The following TAX1BP1 variants were observed in gnomAD, a reference collection of about 807,000 sequenced individuals.
The protein encoded by TAX1BP1 is tax1-binding protein 1.
In TAX1BP1, 62 loss-of-function variants were observed where a neutral mutation model predicts 97.7. The observed-to-expected ratio is 0.63, with a 90% confidence interval of 0.52 to 0.78. TAX1BP1 has a LOEUF of 0.78. TAX1BP1 is among the 30% of genes least tolerant of loss of function. The probability of loss-of-function intolerance (pLI) is 0.00; values close to 1 mark genes in which losing one functional copy is unlikely to be tolerated. For synonymous variants in TAX1BP1, 340 were observed against 304.2 expected, an observed-to-expected ratio of 1.12 and a Z score of -1.23; for missense variants, 867 against 916.1, an observed-to-expected ratio of 0.95 and a Z score of 0.69.
intron 1 of TAX1BP1, 117 bp downstream of exon 1, chr7:27,740,386 CG>C (rs937736599): frequency 6.6e-6 from 1 of 152,538 alleles, no homozygotes; most frequent in Non-Finnish European, 1.5e-5. Context: ...TGGCCGGTCT[CG>C]GGAGAGGTCT....
intron 4 of TAX1BP1, among the ~76,000 whole-genome samples, chr7:27,766,643 C>T (rs888072299): frequency 2.8e-4 from 42 of 152,002 alleles, no homozygotes; most frequent in Non-Finnish European, 5.9e-4. Flanking sequence ...GAGTTTAGGT[C>T]TAAAGCTTTC....
At chr7:27,769,580 C>G in intron 4 of TAX1BP1, 96 bp from the exon 5 acceptor site, 1 of 1,027,268 alleles carries the variant, frequency 9.7e-7, no homozygotes, top group Non-Finnish European at 1.4e-6. Context: ...CTGTGAATGT[C>G]TTCATTATTT....
chr7:27,792,254 T>C lies in TAX1BP1; in HGVS notation c.1263+24T>C, dbSNP rs1479357403. ...AGGTAAAACAAGTTAATTTTGAATT[T>C]GCATTTTGATTTAAGAAACCACTAT... On this transcript the variant is annotated intron_variant, in intron 9 of 16. Coordinates refer to ENST00000396319, the MANE Select transcript of TAX1BP1 (RefSeq NM_006024.7). 5.1e-6 allele frequency: 8 copies of C among 1,561,934 alleles called. No homozygotes were observed. The African/African-American group carries it at 5.5e-5, about 11-fold the overall frequency.
chr7:27,788,695 A>G (rs189228405), intron 8 of TAX1BP1, among the ~76,000 whole-genome samples: 11 of 152,064 alleles, frequency 7.2e-5, no homozygotes, highest in Middle Eastern at 3.4e-3. Flanking sequence ...AACCTTTTCA[A>G]GCCTGCTTTT....
chr7:27,772,855 A>C (rs528456907), intron 5 of TAX1BP1, among the ~76,000 whole-genome samples: 1 of 152,074 alleles, frequency 6.6e-6, no homozygotes, highest in South Asian at 2.1e-4. Flanking sequence ...GAGAAACAAT[A>C]AATTACATAT....
chr7:27,755,175 C>T (rs373952301), intron 2 of TAX1BP1, among the ~76,000 whole-genome samples: 1 of 152,184 alleles, frequency 6.6e-6, no homozygotes, highest in Non-Finnish European at 1.5e-5. Context: ...CCATTGTACT[C>T]CTACCTTCCC....
At position 27,807,506 on chromosome 7, in the gene TAX1BP1, G is replaced by T. The variant is rs528384440; in HGVS notation, c.1764+7416G>T. ...AGTTATTTAATATAATACTAATTTTGGTTTAATATTTCATCACGATGAAAC... is the reference window on the plus strand; with the variant it reads ...AGTTATTTAATATAATACTAATTTTTGTTTAATATTTCATCACGATGAAAC... On this transcript the variant is annotated intron_variant, in intron 13 of 16. Transcript: ENST00000396319. Among the ~76,000 whole-genome samples the T allele has an allele frequency of 4.6e-5, 7 of 151,902 alleles. No individual in the cohort carries two copies. In the East Asian group the frequency reaches 1.2e-3, roughly 25 times the overall value.
intron 8 of TAX1BP1, among the ~76,000 whole-genome samples, 169 bp downstream of exon 8, chr7:27,787,772 G>T (rs771020215): frequency 6.6e-6 from 1 of 152,026 alleles, no homozygotes; most frequent in African/African-American, 2.4e-5. Flanking sequence ...AAAATATTTT[G>T]CCATTCTTTG....
intron 5 of TAX1BP1, among the ~76,000 whole-genome samples, chr7:27,778,280 G>A (rs2128314230): frequency 6.6e-6 from 1 of 152,070 alleles, no homozygotes; most frequent in East Asian, 1.9e-4. Context: ...CAACAGTGTG[G>A]TTAGTGATGT....
Position 27,785,509 on chromosome 7 carries a change from A to G in TAX1BP1, c.852+20A>G, listed in dbSNP as rs374656878. Reference sequence around the variant, plus strand: ...TATAAGGTAATTTATTTTTTACCATATCTATTGCCTGTTGCTTCAAAAGAA... The same window carrying G: ...TATAAGGTAATTTATTTTTTACCATGTCTATTGCCTGTTGCTTCAAAAGAA... On this transcript the variant is annotated intron_variant, in intron 7 of 16. Coordinates refer to ENST00000396319, the MANE Select transcript of TAX1BP1 (RefSeq NM_006024.7). 7.0e-6 allele frequency: 11 copies of G among 1,575,694 alleles called. No homozygotes were observed. The highest frequency in any genetic ancestry group is 8.6e-6 in the Non-Finnish European group (10 of 1,156,620).
In TAX1BP1 at chr7:27,816,992, G is replaced by C. The variant is rs377595038; in HGVS notation, c.2039G>C (p.Arg680Pro). The stretch of plus-strand genomic sequence containing the variant: ...AATGTTGTCTGCAGCCAGCCTGCTC[G>C]AAACTTTAGTCGGCCTGATGGCTTA... ...EDNVVCSQPA[R>P]NFSRPDGLED... Residue 680 changes from arginine to proline, a missense_variant, in exon 15 of 17, where the codon CGA becomes CCA. Physicochemically the swap from Arg to Pro is moderately radical, Grantham distance 103. Coordinates refer to ENST00000396319, the MANE Select transcript of TAX1BP1 (RefSeq NM_006024.7). The C allele has an allele frequency of 6.2e-7, 1 of 1,614,024 alleles. No individual in the cohort carries two copies. Among genetic ancestry groups the C allele is most frequent in the African/African-American group, 1.3e-5 (1 of 75,032 alleles).
intron 5 of TAX1BP1, chr7:27,772,623 A>T (rs1788886822): frequency 6.6e-6 from 1 of 152,048 alleles, no homozygotes; most frequent in South Asian, 2.1e-4. Context: ...ATTGACTTTT[A>T]TCACTCTAAA....
At chr7:27,758,552 A>G (rs1361578643) in intron 3 of TAX1BP1, among the ~76,000 whole-genome samples, 1 of 152,144 alleles carries the variant, frequency 6.6e-6, no homozygotes, top group Non-Finnish European at 1.5e-5. Context: ...AAGTTCCTTT[A>G]TTATAAAATG....
intron 13 of TAX1BP1, among the ~76,000 whole-genome samples, chr7:27,801,119 A>G (rs969285673): frequency 1.7e-5 from 2 of 116,960 alleles, no homozygotes; most frequent in African/African-American, 8.5e-5. Context: ...AAAAAAAAAA[A>G]GAATGTTAGA....
intron 10 of TAX1BP1, among the ~76,000 whole-genome samples, chr7:27,794,099 A>G (rs1789823683): frequency 6.6e-6 from 1 of 152,222 alleles, no homozygotes; most frequent in Non-Finnish European, 1.5e-5. Context: ...ATGAGTTTAT[A>G]AGAAAAAGCA....
chr7:27,747,999 C>T (rs911251581), intron 1 of TAX1BP1, among the ~76,000 whole-genome samples: 3 of 151,846 alleles, frequency 2.0e-5, no homozygotes, highest in Non-Finnish European at 4.4e-5. Flanking sequence ...GACCCCAAAA[C>T]CTAGGGAGAG....
At chr7:27,740,925 G>C (rs1038193392) in intron 1 of TAX1BP1, among the ~76,000 whole-genome samples, 1 of 152,156 alleles carries the variant, frequency 6.6e-6, no homozygotes, top group Non-Finnish European at 1.5e-5. Context: ...AGTCCCGACC[G>C]ACTTGCACTC....
At chr7:27,783,521 G>A (rs1276016763) in intron 5 of TAX1BP1, among the ~76,000 whole-genome samples, 3 of 152,208 alleles carry the variant, frequency 2.0e-5, no homozygotes, top group African/African-American at 7.2e-5. Context: ...TAAGACGCTT[G>A]TTGTAGTCAG....
chr7:27,762,582 G>C (rs1189205221), intron 3 of TAX1BP1, among the ~76,000 whole-genome samples: 1 of 152,094 alleles, frequency 6.6e-6, no homozygotes, highest in East Asian at 1.9e-4. Flanking sequence ...TTGTTTATTA[G>C]GGACTTAGGA....
Sources: gnomAD v4.1 joint callset for allele counts (sites outside exome capture counted in the v4.1 genomes callset) on GRCh38, gnomAD v4.1.1 for gene constraint, MANE v1.5 for transcripts, NCBI Gene and HGNC (gene_info 2026-07-23, HGNC 2026-07-21) for gene names.